STARD13: variants seen among roughly 807,000 people sequenced by gnomAD.
STARD13 encodes the protein StAR related lipid transfer domain containing 13, also known as stAR-related lipid transfer protein 13.
Under a neutral mutation model 106.4 loss-of-function variants are expected in STARD13, and 62 were observed. The ratio of observed to expected loss-of-function variants is 0.58; its 90% confidence interval spans 0.48 to 0.72. STARD13 has a LOEUF of 0.72. STARD13 is among the 30% of genes least tolerant of loss of function. The pLI is 0.00. For synonymous variants in STARD13, 565 were observed against 553.0 expected (o/e 1.02, Z -0.31); for missense variants, 1,387 against 1,424.0 (o/e 0.97, Z 0.42).
At chr13:33,565,954 G>T in the STARD13 span, among the ~76,000 whole-genome samples, 2 of 148,438 alleles carry the variant, frequency 1.3e-5, 1 homozygote, top group Non-Finnish European at 3.0e-5. Flanking sequence ...ACTTAATCCA[G>T]TAGCTTTCCC....
chr13:33,510,811 C>T, the STARD13 span, among the ~76,000 whole-genome samples: 1 of 152,096 alleles, frequency 6.6e-6, no homozygotes, highest in African/African-American at 2.4e-5. Context: ...CTAGTCATAT[C>T]TAAAGCTGGA....
chr13:33,392,433 T>C, the STARD13 span, among the ~76,000 whole-genome samples: 2 of 152,174 alleles, frequency 1.3e-5, no homozygotes, highest in Non-Finnish European at 2.9e-5. Flanking sequence ...AGAGTCTCAC[T>C]CTGTCGCCCA....
At position 33,340,887 on chromosome 13, in the gene STARD13, T is replaced by C. The variant is rs4943097; in HGVS notation, c.124+9403A>G. Among the ~76,000 whole-genome samples, 246 of 152,352 alleles carry C rather than the reference T, an allele frequency of 1.6e-3. 1 individual carries two copies. The highest frequency in any genetic ancestry group is 2.8e-3 in the Non-Finnish European group (191 of 68,028). On this transcript the variant is annotated intron_variant, in intron 1 of 5. Coordinates refer to the STARD13 transcript ENST00000567873. ...TTTGGGCAGCATAGTAAAATTTATG[T>C]GCCTCACCAAGATACAGCCATGGTA...
the STARD13 span, among the ~76,000 whole-genome samples, chr13:33,387,436 G>T: frequency 6.6e-6 from 1 of 152,158 alleles, no homozygotes; most frequent in Non-Finnish European, 1.5e-5. Flanking sequence ...TGTGCTAAGT[G>T]CTGGGGATTC....
the STARD13 span, among the ~76,000 whole-genome samples, chr13:33,547,466 A>C: frequency 6.6e-6 from 1 of 152,222 alleles, no homozygotes; most frequent in African/African-American, 2.4e-5. Context: ...TCTTGAAGAT[A>C]ATTTTTAAAA....
the STARD13 span, among the ~76,000 whole-genome samples, chr13:33,630,454 T>C: frequency 6.6e-6 from 1 of 152,368 alleles, no homozygotes; most frequent in Admixed American, 6.5e-5. Flanking sequence ...ATTGGCCTGC[T>C]GCCGCCACCA....
At chr13:33,347,484 T>C (rs2078029891), downstream of STARD13, among the ~76,000 whole-genome samples, 1 of 152,186 alleles carries the variant, frequency 6.6e-6, no homozygotes, top group African/African-American at 2.4e-5. Flanking sequence ...TGTCCTCAAG[T>C]GATCTGCCCG....
At position 33,203,625 on chromosome 13, in the gene STARD13, G is replaced by A. The variant is rs543039490; in HGVS notation, c.170-36003C>T. ...ATTTTTTAAAGTTCAACCTGTTTGA[G>A]GAAATGACTAGTCTTACACAATGCT... is the stretch of plus-strand genomic sequence containing the variant. On this transcript the variant is annotated intron_variant, in intron 1 of 13. Coordinates refer to ENST00000336934, the MANE Select transcript of STARD13 (RefSeq NM_178006.4). Among the ~76,000 whole-genome samples, 61 of 152,034 alleles carry A rather than the reference G, an allele frequency of 4.0e-4. 3 individuals are homozygous for A. The South Asian group carries it at 0.012, about 30-fold the overall frequency.
the STARD13 span, among the ~76,000 whole-genome samples, chr13:33,572,062 T>C: frequency 1.3e-5 from 2 of 152,310 alleles, no homozygotes; most frequent in African/African-American, 4.8e-5. Flanking sequence ...ATATATTTGC[T>C]TCAATAAGCA....
intron 13 of STARD13, 138 bp from the exon 14 acceptor site, chr13:33,105,848 T>C: frequency 1.4e-6 from 1 of 702,610 alleles, no homozygotes; most frequent in Non-Finnish European, 2.6e-6. Flanking sequence ...CTTGAGGGGC[T>C]CAGGACGTCA....
At position 33,129,535 on chromosome 13, in the gene STARD13, T is replaced by A. The variant is rs1877872621; in HGVS notation, c.1142A>T (p.Gln381Leu). 1 of 1,614,076 alleles carries A rather than the reference T, an allele frequency of 6.2e-7. No homozygotes were observed. The highest frequency in any genetic ancestry group is 1.7e-5 in the Admixed American group (1 of 60,012). ...AGTALPDAGD[Q>L]SRMHEFHSQE... is the part of the protein sequence containing the mutation. The stretch of plus-strand genomic sequence containing the variant: ...GGAGTGAAATTCATGCATACGGCTT[T>A]GGTCCCCTGCATCCGGCAGTGCTGT... The change falls in exon 5 of 14, where the codon CAA (glutamine) becomes CTA (leucine). Residue 381 changes from glutamine (Q) to leucine (L), a missense_variant. Coordinates refer to ENST00000336934, the MANE Select transcript of STARD13 (RefSeq NM_178006.4).
the STARD13 span, among the ~76,000 whole-genome samples, chr13:33,529,768 C>A: frequency 6.6e-6 from 1 of 152,066 alleles, no homozygotes; most frequent in East Asian, 1.9e-4. Flanking sequence ...AGCAGTATTT[C>A]AGGGGATGGG....
the STARD13 span, among the ~76,000 whole-genome samples, chr13:33,469,014 T>C: frequency 1.3e-5 from 2 of 152,188 alleles, no homozygotes; most frequent in African/African-American, 4.8e-5. Flanking sequence ...TAACAACATA[T>C]ACCTCAAACT....
At chr13:33,178,266 A>T (rs944542423) in intron 1 of STARD13, among the ~76,000 whole-genome samples, 14 of 152,220 alleles carry the variant, frequency 9.2e-5, no homozygotes, top group Non-Finnish European at 1.9e-4. Flanking sequence ...CAAACATTCT[A>T]GGTGGCTTGA....
chr13:33,312,520 G>C (rs1042607366), intron 1 of STARD13, among the ~76,000 whole-genome samples: 1 of 152,010 alleles, frequency 6.6e-6, no homozygotes, highest in African/African-American at 2.4e-5. Context: ...ATTTGTGCTT[G>C]ACTCGGGATG....
intron 1 of STARD13, among the ~76,000 whole-genome samples, chr13:33,225,389 A>C (rs918156830): frequency 6.6e-6 from 1 of 152,188 alleles, no homozygotes; most frequent in African/African-American, 2.4e-5. Flanking sequence ...CCGTCTGTAC[A>C]TCTGCAGTCC....
At chr13:33,318,962 G>T (rs1893446303) in intron 1 of STARD13, among the ~76,000 whole-genome samples, 1 of 152,042 alleles carries the variant, frequency 6.6e-6, no homozygotes, top group Non-Finnish European at 1.5e-5. Flanking sequence ...AATGTAAAAT[G>T]GTGCAACCAC....
the STARD13 span, among the ~76,000 whole-genome samples, chr13:33,524,964 T>C: frequency 6.6e-6 from 1 of 152,156 alleles, no homozygotes; most frequent in Non-Finnish European, 1.5e-5. Context: ...TCCTCCTGCC[T>C]AACCAAAATT....
At chr13:33,144,079 C>G (rs548259034) in intron 3 of STARD13, among the ~76,000 whole-genome samples, 1 of 152,284 alleles carries the variant, frequency 6.6e-6, no homozygotes, top group Admixed American at 6.5e-5. Flanking sequence ...AGAATTCAGA[C>G]TGAGGTCCAT....
Sources: gnomAD v4.1 joint callset for allele counts (sites outside exome capture counted in the v4.1 genomes callset) on GRCh38, gnomAD v4.1.1 for gene constraint, MANE v1.5 for transcripts, NCBI Gene and HGNC (gene_info 2026-07-23, HGNC 2026-07-21) for gene names.